Variants in NLGN1 observed in about 807,000 individuals in gnomAD.
NLGN1 encodes the protein neuroligin-1.
A neutral mutation model predicts 65.5 loss-of-function variants in NLGN1; 12 were observed. The observed-to-expected ratio is 0.18, with a 90% confidence interval of 0.12 to 0.30. NLGN1 has a LOEUF of 0.30. Ranked by LOEUF, NLGN1 falls within the 10% of genes least tolerant of loss-of-function variation. NLGN1 has a pLI of 1.00. For synonymous variants in NLGN1, 350 were observed against 359.5 expected, an observed-to-expected ratio of 0.97 and a Z score of 0.30; for missense variants, 750 against 1,007.1, an observed-to-expected ratio of 0.74 and a Z score of 3.46.
In NLGN1 at chr3:173,940,367, G is replaced by T. The variant is rs186243983; in HGVS notation, c.646+132535G>T. Among the ~76,000 whole-genome samples, 11 of 152,176 alleles carry T rather than the reference G, an allele frequency of 7.2e-5. No individual in the cohort carries two copies. In the East Asian group the frequency reaches 7.7e-4, roughly 11 times the overall value. The stretch of plus-strand genomic sequence containing the variant: ...GCCTCCCAAAGCACTGGGATTACAG[G>T]CATGAGCTACCATGCCCGGCCTCAA... On this transcript the variant is annotated intron_variant, in intron 4 of 6. Coordinates refer to ENST00000457714, the Ensembl canonical transcript of NLGN1.
intron 4 of NLGN1, among the ~76,000 whole-genome samples, chr3:174,170,591 A>G (rs1228580028): frequency 6.6e-6 from 1 of 152,204 alleles, no homozygotes; most frequent in Non-Finnish European, 1.5e-5. Flanking sequence ...AAAACTGACT[A>G]TACCTTTCAG....
At position 174,114,268 on chromosome 3, in the gene NLGN1, C is replaced by T. The variant is rs571182175; in HGVS notation, c.647-161047C>T. ...TTTAATGGCACTACAAGTATTTAGG[C>T]GTGCAAATTGCAGTAGCAAACATAT... On this transcript the variant is annotated intron_variant, in intron 4 of 6. Transcript: ENST00000457714. 3.5e-4 allele frequency among the ~76,000 whole-genome samples: 53 copies of T among 151,566 alleles called. No homozygotes were observed. In the South Asian group the frequency reaches 7.7e-3, roughly 22 times the overall value.
intron 4 of NLGN1, among the ~76,000 whole-genome samples, chr3:173,827,654 T>TGTGTGTGTGTGTGTG (rs1326275748): frequency 1.2e-4 from 10 of 82,000 alleles, no homozygotes; most frequent in African/African-American, 3.8e-4. Flanking sequence ...TGTGTGTGTG[T>TGTGTGTGTGTGTGTG]GTGTGTGTGT....
chr3:174,233,656 A>T (rs1315297256), intron 4 of NLGN1, among the ~76,000 whole-genome samples: 1 of 152,122 alleles, frequency 6.6e-6, no homozygotes, highest in African/African-American at 2.4e-5. Context: ...ATCGGGAGGC[A>T]TTCTGGGGAC....
intron 1 of NLGN1, among the ~76,000 whole-genome samples, chr3:173,422,180 C>T (rs1249742511): frequency 6.6e-6 from 1 of 150,890 alleles, no homozygotes; most frequent in Non-Finnish European, 1.5e-5. Context: ...CAATGGAATA[C>T]TATTCAGCTA....
At chr3:173,520,878 G>A (rs1176243619) in intron 2 of NLGN1, among the ~76,000 whole-genome samples, 1 of 152,138 alleles carries the variant, frequency 6.6e-6, no homozygotes, top group South Asian at 2.1e-4. Flanking sequence ...AAGAAACTTA[G>A]GACTAATCTC....
At chr3:173,706,529 A>ACAT (rs1315937949) in intron 3 of NLGN1, among the ~76,000 whole-genome samples, 1 of 152,196 alleles carries the variant, frequency 6.6e-6, no homozygotes, top group Non-Finnish European at 1.5e-5. Flanking sequence ...TTTGGTTTCC[A>ACAT]CATCCCACAG....
intron 2 of NLGN1, among the ~76,000 whole-genome samples, chr3:173,573,700 G>A (rs936501086): frequency 6.6e-6 from 1 of 151,292 alleles, no homozygotes; most frequent in African/African-American, 2.4e-5. Context: ...TCCTGGTCTA[G>A]TTCTTAGTGA....
intron 4 of NLGN1, among the ~76,000 whole-genome samples, chr3:174,182,005 T>C (rs1370019103): frequency 7.6e-6 from 1 of 132,434 alleles, no homozygotes; most frequent in East Asian, 2.1e-4. Context: ...AAAAAAAGAA[T>C]GTCTCCGAAT....
intron 3 of NLGN1, among the ~76,000 whole-genome samples, chr3:173,767,157 G>A (rs750631721): frequency 2.0e-5 from 3 of 152,248 alleles, no homozygotes; most frequent in Admixed American, 6.5e-5. Flanking sequence ...AGGGACTGGC[G>A]TGTTTTTCTT....
intron 2 of NLGN1, among the ~76,000 whole-genome samples, chr3:173,512,034 C>A (rs1239278227): frequency 6.6e-6 from 1 of 152,180 alleles, no homozygotes; most frequent in East Asian, 1.9e-4. Context: ...GGGCAGGAAC[C>A]AGCCTCTTTG....
chr3:173,991,932 A>G (rs1721210797), intron 4 of NLGN1, among the ~76,000 whole-genome samples: 1 of 151,986 alleles, frequency 6.6e-6, no homozygotes, highest in Non-Finnish European at 1.5e-5. Context: ...CGTTCTAGCA[A>G]TTCTCCTGCC....
chr3:174,092,081 GAT>G (rs941273256), intron 4 of NLGN1, among the ~76,000 whole-genome samples: 2 of 152,152 alleles, frequency 1.3e-5, no homozygotes, highest in African/African-American at 4.8e-5. Context: ...TGTATGAAGA[GAT>G]AAATAAAAGG....
chr3:174,245,026 A>G (rs1743546648), intron 4 of NLGN1, among the ~76,000 whole-genome samples: 2 of 152,088 alleles, frequency 1.3e-5, no homozygotes, highest in South Asian at 4.1e-4. Flanking sequence ...TTGTTGCTAG[A>G]AATTAGAGGG....
chr3:173,795,862 T>C (rs1713940346), intron 3 of NLGN1, among the ~76,000 whole-genome samples: 1 of 152,116 alleles, frequency 6.6e-6, no homozygotes, highest in Admixed American at 6.6e-5. Flanking sequence ...TCTCATTTTG[T>C]AAAAATGGCC....
At chr3:173,801,993 C>A (rs1715542047) in intron 3 of NLGN1, among the ~76,000 whole-genome samples, 1 of 152,108 alleles carries the variant, frequency 6.6e-6, no homozygotes, top group South Asian at 2.1e-4. Context: ...AAATCCTTAA[C>A]TCCTAGAATT....
intron 4 of NLGN1, among the ~76,000 whole-genome samples, chr3:174,254,797 A>G (rs949784545): frequency 1.4e-5 from 2 of 143,660 alleles, no homozygotes; most frequent in Non-Finnish European, 3.1e-5. Flanking sequence ...GTTATATAAA[A>G]CAGGCCTCAC....
intron 1 of NLGN1, among the ~76,000 whole-genome samples, chr3:173,432,390 G>A (rs1013130663): frequency 2.6e-5 from 4 of 152,200 alleles, no homozygotes; most frequent in Non-Finnish European, 4.4e-5. Context: ...CCAGCATTTA[G>A]TGTTGTCAGC....
chr3:173,542,505 T>C (rs1739064491), intron 2 of NLGN1, among the ~76,000 whole-genome samples: 1 of 152,096 alleles, frequency 6.6e-6, no homozygotes, highest in Admixed American at 6.6e-5. Flanking sequence ...GCTGTAGATA[T>C]AGACAGATTT....
Sources: gnomAD v4.1 joint callset for allele counts (sites outside exome capture counted in the v4.1 genomes callset) on GRCh38, gnomAD v4.1.1 for gene constraint, MANE v1.5 for transcripts, NCBI Gene and HGNC (gene_info 2026-07-23, HGNC 2026-07-21) for gene names.